Variants in PUS7 observed in about 807,000 individuals in gnomAD.
PUS7 encodes pseudouridylate synthase 7 homolog.
A neutral mutation model predicts 79.8 loss-of-function variants in PUS7; 48 were observed. That is an observed-to-expected ratio of 0.60 (90% CI 0.48 to 0.76). The LOEUF is 0.76. Ranked by LOEUF, PUS7 falls within the 30% of genes least tolerant of loss-of-function variation. The pLI is 0.00. For missense variants in PUS7, 729 were observed against 797.6 expected (o/e 0.91, Z 1.04); for synonymous variants, 286 against 272.2 (o/e 1.05, Z -0.50).
intron 1 of PUS7, among the ~76,000 whole-genome samples, chr7:105,511,776 A>C (rs1353121795): frequency 2.0e-5 from 3 of 152,074 alleles, no homozygotes; most frequent in Non-Finnish European, 4.4e-5. Flanking sequence ...AAACAAAACG[A>C]ACAAAACAAA....
rs540176839 is a variant in PUS7 at position 105,518,310 on chromosome 7, CA to C, written c.-33+3741del. ...CCTGGGTGACAGAAAGACCCTGTCT[CA>C]AAAAAAAAATAAAATCCTTTACACC... is the stretch of plus-strand genomic sequence containing the variant. On this transcript the variant is annotated intron_variant, in intron 1 of 15. Coordinates refer to ENST00000469408, the MANE Select transcript of PUS7 (RefSeq NM_019042.5). 3.3e-3 allele frequency among the ~76,000 whole-genome samples: 486 copies of C among 146,540 alleles called. 2 individuals carry two copies. Among genetic ancestry groups the C allele is most frequent in the Middle Eastern group, 0.014 (4 of 286 alleles).
intron 6 of PUS7, among the ~76,000 whole-genome samples, chr7:105,492,500 ATTT>A (rs1159017117): frequency 1.8e-4 from 16 of 87,278 alleles, no homozygotes; most frequent in South Asian, 3.9e-4. Flanking sequence ...GATTTTTTGT[ATTT>A]TTTTTTTTTT....
rs191684324 is a variant in PUS7, at chr7:105,472,086, T to G, written c.1237+46A>C. ...TATTCAAAGCAATTTCATGAATACC[T>G]AGCCATACATTCTATTTATTTTCTT... On this transcript the variant is annotated intron_variant, in intron 10 of 15. Coordinates refer to ENST00000469408, the MANE Select transcript of PUS7 (RefSeq NM_019042.5). 518 of 1,227,522 alleles carry G rather than the reference T, an allele frequency of 4.2e-4. 3 individuals carry two copies. Among genetic ancestry groups the G allele is most frequent in the Non-Finnish European group, 7.8e-5 (66 of 841,932 alleles). 76.0% of individuals were successfully genotyped at this position (1,227,522 alleles called of 1,614,324 possible). A position where few individuals can be genotyped will look rare whatever the true frequency, so the allele number is the denominator to read the frequency against.
At chr7:105,460,870 A>AAT in intron 14 of PUS7, among the ~76,000 whole-genome samples, 1 of 151,288 alleles carries the variant, frequency 6.6e-6, no homozygotes, top group Admixed American at 6.6e-5. Context: ...AAAAAAAAAA[A>AAT]AAAAAATTTG....
chr7:105,473,467 G>A (rs557066435), intron 9 of PUS7, among the ~76,000 whole-genome samples: 1 of 144,326 alleles, frequency 6.9e-6, no homozygotes, highest in East Asian at 2.0e-4. Flanking sequence ...TGCCCAGGCT[G>A]GAGTGCAATG....
At chr7:105,508,576 CTA>C (rs1825568152) in intron 1 of PUS7, 32 bp from the exon 2 acceptor site, 1 of 1,555,176 alleles carries the variant, frequency 6.4e-7, no homozygotes, top group Non-Finnish European at 8.7e-7. Flanking sequence ...TAACAATCAC[CTA>C]TATAAAAGCT....
intron 7 of PUS7, among the ~76,000 whole-genome samples, chr7:105,490,902 A>C (rs1824753998): frequency 6.6e-6 from 1 of 152,220 alleles, no homozygotes; most frequent in South Asian, 2.1e-4. Context: ...CTACTGCTAC[A>C]TAGTGGGTAG....
rs982684862 is a variant in PUS7 at position 105,492,288 on chromosome 7, T to TA, written c.843-672dup. ...GTGACGTAGTAAGACCTGCTCTCTT[T>TA]AAAAAAAAACAAAAAAGGTAAATGA... On this transcript the variant is annotated intron_variant, in intron 6 of 15. Coordinates refer to ENST00000469408, the MANE Select transcript of PUS7 (RefSeq NM_019042.5). Among the ~76,000 whole-genome samples, 30 of 147,992 alleles carry TA rather than the reference T, an allele frequency of 2.0e-4. No homozygotes were observed. In the East Asian group the frequency reaches 2.2e-3, roughly 11 times the overall value.
intron 1 of PUS7, among the ~76,000 whole-genome samples, chr7:105,512,074 G>C (rs1432648008): frequency 6.7e-6 from 1 of 150,222 alleles, no homozygotes; most frequent in Non-Finnish European, 1.5e-5. Context: ...GAACCTGGGA[G>C]GCGGACGTTG....
At chr7:105,492,204 G>T (rs1824813297) in intron 6 of PUS7, among the ~76,000 whole-genome samples, 1 of 152,066 alleles carries the variant, frequency 6.6e-6, no homozygotes, top group Non-Finnish European at 1.5e-5. Context: ...GGAGTTGGAG[G>T]CTACAGTGCG....
Position 105,479,512 on chromosome 7 carries a change from G to A in PUS7, c.1175+1540C>T, listed in dbSNP as rs574517518. On this transcript the variant is annotated intron_variant, in intron 9 of 15. Coordinates refer to ENST00000469408, the MANE Select transcript of PUS7 (RefSeq NM_019042.5). ...TAACTACCACAATTCTAACTCCCAC[G>A]CGAATAATTAGTTTATGTAACAGAG... Among the ~76,000 whole-genome samples the A allele has an allele frequency of 3.0e-4, 45 of 152,228 alleles. 1 individual carries two copies. In the South Asian group the frequency reaches 8.7e-3, roughly 29 times the overall value.
At chr7:105,511,313 G>A (rs186587548) in intron 1 of PUS7, among the ~76,000 whole-genome samples, 2 of 151,520 alleles carry the variant, frequency 1.3e-5, no homozygotes, top group Non-Finnish European at 2.9e-5. Flanking sequence ...GATTACAGGC[G>A]TGAGCCACCG....
At chr7:105,515,244 CCAAT>C (rs1433932414) in intron 1 of PUS7, among the ~76,000 whole-genome samples, 2 of 152,170 alleles carry the variant, frequency 1.3e-5, no homozygotes, top group African/African-American at 4.8e-5. Context: ...CTGCCTATAA[CCAAT>C]CAAATTGCTG....
intron 1 of PUS7, among the ~76,000 whole-genome samples, chr7:105,521,177 G>C (rs1826093398): frequency 6.6e-6 from 1 of 152,060 alleles, no homozygotes; most frequent in South Asian, 2.1e-4. Flanking sequence ...CAATAGTCGA[G>C]GCTCCCCCAG....
chr7:105,506,327 T>C lies in PUS7; in HGVS notation c.399-54A>G, dbSNP rs539328115. On this transcript the variant is annotated intron_variant, in intron 2 of 15. Coordinates refer to ENST00000469408, the MANE Select transcript of PUS7 (RefSeq NM_019042.5). ...TAATTAACATCCTGTTTTCTATTAA[T>C]TTTAAGATAAAGTTGATCAACAGCA... 61 of 1,299,268 alleles carry C rather than the reference T, an allele frequency of 4.7e-5. No homozygotes were observed. The African/African-American group carries it at 7.5e-4, about 16-fold the overall frequency. 80.5% of individuals were successfully genotyped at this position (1,299,268 alleles called of 1,614,324 possible).
chr7:105,509,387 C>T (rs1332557173), intron 1 of PUS7, among the ~76,000 whole-genome samples: 1 of 151,912 alleles, frequency 6.6e-6, no homozygotes, highest in African/African-American at 2.4e-5. Flanking sequence ...GCTCTTTGAC[C>T]CAGTAATACT....
At chr7:105,513,191 G>A (rs768702778) in intron 1 of PUS7, among the ~76,000 whole-genome samples, 3 of 152,176 alleles carry the variant, frequency 2.0e-5, no homozygotes, top group Non-Finnish European at 4.4e-5. Flanking sequence ...GACCATACAA[G>A]CTTCCCAGCT....
chr7:105,482,021 C>A (rs757033188), intron 8 of PUS7, among the ~76,000 whole-genome samples: 2 of 152,204 alleles, frequency 1.3e-5, no homozygotes, highest in Non-Finnish European at 2.9e-5. Flanking sequence ...TGAGCCACTG[C>A]GCCCAGCCGG....
In PUS7 at chr7:105,502,409, C is replaced by T. The variant is rs373057142; in HGVS notation, c.730+11G>A. The T allele has an allele frequency of 6.2e-7, 1 of 1,613,846 alleles. No homozygotes were observed. The highest frequency in any genetic ancestry group is 2.2e-5 in the East Asian group (1 of 44,876). Reference sequence around the variant, plus strand: ...CTGCCTGGCAGGAGGAAGCTGCTCACAGACACCTACTTGCCAAAGCCTTTT... The same window carrying T: ...CTGCCTGGCAGGAGGAAGCTGCTCATAGACACCTACTTGCCAAAGCCTTTT... On this transcript the variant is annotated intron_variant, in intron 5 of 15. Transcript: ENST00000469408.
Sources: allele counts gnomAD v4.1 joint callset (sites outside exome capture counted in the v4.1 genomes callset), GRCh38; gene constraint gnomAD v4.1.1; transcripts MANE v1.5; gene names NCBI Gene and HGNC (gene_info 2026-07-23, HGNC 2026-07-21).